The following PARD6G variants were observed in gnomAD, a reference collection of about 807,000 sequenced individuals.
PARD6G encodes the protein partitioning defective 6 homolog gamma.
In PARD6G, 7 loss-of-function variants were observed where a neutral mutation model predicts 10.7. The observed-to-expected ratio is 0.66, with a 90% CI of 0.37 to 1.23. PARD6G has a LOEUF of 1.23. Ranked by LOEUF, PARD6G falls within the 50% of genes most tolerant of loss-of-function variation. The probability of loss-of-function intolerance (pLI) is 0.02; values close to 1 mark genes in which losing one functional copy is unlikely to be tolerated. For synonymous variants in PARD6G, 287 were observed against 269.4 expected (o/e 1.07, Z -0.64); for missense variants, 548 against 571.8 (o/e 0.96, Z 0.42).
chr18:80,186,409 TCA>T (rs987149000), intron 2 of PARD6G, among the ~76,000 whole-genome samples: 6 of 120,756 alleles, frequency 5.0e-5, no homozygotes, highest in South Asian at 2.8e-4. Context: ...GCATGCACCC[TCA>T]CACACGCATA....
chr18:80,166,169 G>C (rs1335740727), intron 2 of PARD6G, among the ~76,000 whole-genome samples: 2 of 151,968 alleles, frequency 1.3e-5, no homozygotes, highest in Non-Finnish European at 2.9e-5. Context: ...CTGTTCCCTT[G>C]TATTTTTCCT....
chr18:80,214,341 C>T (rs2145289397), intron 1 of PARD6G, among the ~76,000 whole-genome samples: 1 of 151,490 alleles, frequency 6.6e-6, no homozygotes, highest in South Asian at 2.1e-4. Context: ...GGGTGAGCGC[C>T]TGTAGTCTCA....
intron 2 of PARD6G, among the ~76,000 whole-genome samples, chr18:80,195,736 G>A (rs1198435504): frequency 2.0e-5 from 3 of 150,982 alleles, no homozygotes; most frequent in Non-Finnish European, 4.4e-5. Context: ...TCAGCCAGGC[G>A]TGGTGGCGCG....
rs2052852950 is a variant in PARD6G at position 80,182,424 on chromosome 18, C to T, written c.295+20286G>A. On this transcript the variant is annotated intron_variant, in intron 2 of 2. Transcript: ENST00000353265. This position sits in a 1 kb window ranked among gnomAD's most constrained non-coding sequence, Gnocchi z 4.5. Reference sequence around the variant, plus strand: ...GTCCACTTTAGATGCTGGAACTACACTTAAAGAGCGACCAGCTTTTACAGA... The same window carrying T: ...GTCCACTTTAGATGCTGGAACTACATTTAAAGAGCGACCAGCTTTTACAGA... Among the ~76,000 whole-genome samples the T allele has an allele frequency of 6.6e-6, 1 of 152,236 alleles. No homozygotes were observed. Among genetic ancestry groups the T allele is most frequent in the South Asian group, 2.1e-4 (1 of 4,832 alleles).
chr18:80,218,291 A>T (rs1235684206), intron 1 of PARD6G, among the ~76,000 whole-genome samples: 2 of 152,094 alleles, frequency 1.3e-5, no homozygotes, highest in African/African-American at 4.8e-5. Flanking sequence ...AATCAAAAGT[A>T]AGTTAGTTAC....
chr18:80,206,882 A>G (rs1285594593), intron 1 of PARD6G, among the ~76,000 whole-genome samples: 3 of 152,216 alleles, frequency 2.0e-5, no homozygotes, highest in African/African-American at 7.2e-5. Flanking sequence ...AGTGATTATC[A>G]ATAAATACTT....
At position 80,161,693 on chromosome 18, in the gene PARD6G, T is replaced by G. The variant is rs1415295399; in HGVS notation, c.296-1087A>C. ...CTCTGTGAGGCTTGGTCCTGTGGAG[T>G]TGGTGGCATCCACAGCAGCCTGCTC... On this transcript the variant is annotated intron_variant, in intron 2 of 2. Coordinates refer to ENST00000353265, the MANE Select transcript of PARD6G (RefSeq NM_032510.4). This position sits in a 1 kb window ranked among gnomAD's most constrained non-coding sequence, Gnocchi z 4.6. The G allele has an allele frequency of 6.6e-6, 1 of 151,910 alleles. No individual in the cohort carries two copies. Among genetic ancestry groups the G allele is most frequent in the East Asian group, 1.9e-4 (1 of 5,172 alleles). 9.4% of individuals were successfully genotyped at this position (151,910 alleles called of 1,614,324 possible).
At position 80,175,386 on chromosome 18, in the gene PARD6G, G is replaced by A. The variant is rs1016210852; in HGVS notation, c.296-14780C>T. 2.0e-5 allele frequency among the ~76,000 whole-genome samples: 3 copies of A among 152,146 alleles called. No homozygotes were observed. The highest frequency in any genetic ancestry group is 2.9e-5 in the Non-Finnish European group (2 of 68,040). On this transcript the variant is annotated intron_variant, in intron 2 of 2. Coordinates refer to ENST00000353265, the MANE Select transcript of PARD6G (RefSeq NM_032510.4). This position sits in a 1 kb window ranked among gnomAD's most constrained non-coding sequence, Gnocchi z 6.7. ...AGTTTCTGGGGAGGGCTCTCTTCCC[G>A]GCTTACAGACAGCTGCCTTCTTCCT... is the stretch of plus-strand genomic sequence containing the variant.
At position 80,158,745 on chromosome 18, in the gene PARD6G, T is replaced by G. The variant is rs977540301; in HGVS notation, c.*1026A>C. On this transcript the variant is annotated 3_prime_UTR_variant, in exon 3 of 3. Transcript: ENST00000353265. ...TGCCTGTCCCAGCTCCTTGGGAGGC[T>G]GAGGCAGGAGAATTGCTTGAACCCA... 16 of 152,368 alleles carry G rather than the reference T, an allele frequency of 1.1e-4. No homozygotes were observed. The East Asian group carries it at 3.1e-3, about 30-fold the overall frequency. The allele number at this position is 152,368 out of a possible 1,614,324, so 9.4% of individuals were successfully genotyped here.
At chr18:80,212,995 G>T (rs1342114266) in intron 1 of PARD6G, among the ~76,000 whole-genome samples, 1 of 152,150 alleles carries the variant, frequency 6.6e-6, no homozygotes, top group African/African-American at 2.4e-5. Context: ...GAAGTTTGGT[G>T]ATGTTTTTGT....
Position 80,201,268 on chromosome 18 carries a change from C to T in PARD6G, c.295+1442G>A, listed in dbSNP as rs762825659. ...GGCAGCCTGTGAACAGATACAGACA[C>T]CCAGGCAATGTGAAGGGGTAGAGAG... On this transcript the variant is annotated intron_variant, in intron 2 of 2. Transcript: ENST00000353265. The surrounding 1 kb of genome is among the most constrained non-coding windows in gnomAD (Gnocchi z 5.9). 3.9e-5 allele frequency among the ~76,000 whole-genome samples: 6 copies of T among 152,146 alleles called. No individual in the cohort carries two copies. Among genetic ancestry groups the T allele is most frequent in the East Asian group, 3.9e-4 (2 of 5,178 alleles).
intron 1 of PARD6G, among the ~76,000 whole-genome samples, chr18:80,206,447 C>T (rs538499227): frequency 1.2e-4 from 18 of 152,316 alleles, no homozygotes; most frequent in African/African-American, 4.3e-4. Flanking sequence ...TTCCAGTATA[C>T]TTACCAGAAA....
intron 1 of PARD6G, among the ~76,000 whole-genome samples, chr18:80,212,682 G>A (rs1243549623): frequency 2.0e-5 from 3 of 151,966 alleles, no homozygotes; most frequent in Admixed American, 6.6e-5. Flanking sequence ...TCAGGAGATC[G>A]AGACTAGCCT....
intron 1 of PARD6G, among the ~76,000 whole-genome samples, chr18:80,233,346 G>A (rs1290261195): frequency 6.6e-6 from 1 of 152,180 alleles, no homozygotes; most frequent in African/African-American, 2.4e-5. Flanking sequence ...ACAGGACCCA[G>A]GAGGCCTGTC....
chr18:80,202,126 AAAC>A (rs150532912), intron 2 of PARD6G: 29,915 of 152,140 alleles, frequency 0.2, 3,630 homozygotes, highest in African/African-American at 0.34. Flanking sequence ...TATTATTTTG[AAAC>A]AACAAGGTTC....
chr18:80,173,234 T>G (rs2052788422), intron 2 of PARD6G, among the ~76,000 whole-genome samples: 1 of 152,118 alleles, frequency 6.6e-6, no homozygotes, highest in African/African-American at 2.4e-5. Flanking sequence ...GCACGTTGCT[T>G]GGGGCTATGG....
At position 80,231,052 on chromosome 18, in the gene PARD6G, T is replaced by A. The variant is rs982311719; in HGVS notation, c.72+16225A>T. 6.6e-6 allele frequency among the ~76,000 whole-genome samples: 1 copy of A among 152,008 alleles called. No homozygotes were observed. Among genetic ancestry groups the A allele is most frequent in the Non-Finnish European group, 1.5e-5 (1 of 67,952 alleles). On this transcript the variant is annotated intron_variant, in intron 1 of 2. Transcript: ENST00000353265. This position sits in a 1 kb window ranked among gnomAD's most constrained non-coding sequence, Gnocchi z 4.2. Reference sequence around the variant, plus strand: ...GGGAGAGAGAATTCCAAATGGAAGGTCAGGGACAAGGGGTGCCCTTTGTGA... The same window carrying A: ...GGGAGAGAGAATTCCAAATGGAAGGACAGGGACAAGGGGTGCCCTTTGTGA...
intron 1 of PARD6G, among the ~76,000 whole-genome samples, chr18:80,203,420 G>GCA (rs1967027328): frequency 6.6e-6 from 1 of 152,136 alleles, no homozygotes; most frequent in South Asian, 2.1e-4. Context: ...AGTGACTCAG[G>GCA]CAGCAGCTCG....
In PARD6G at chr18:80,228,330, C is replaced by G. The variant is rs1599874346; in HGVS notation, c.72+18947G>C. ...GAGGGGAGGCCAGGGGAGGGGAGTT[C>G]CCGGACACACGGTCCTGGAGAACAC... On this transcript the variant is annotated intron_variant, in intron 1 of 2. Transcript: ENST00000353265. This position sits in a 1 kb window ranked among gnomAD's most constrained non-coding sequence, Gnocchi z 4.6. 6.6e-6 allele frequency among the ~76,000 whole-genome samples: 1 copy of G among 152,066 alleles called. No individual in the cohort carries two copies. Among genetic ancestry groups the G allele is most frequent in the African/African-American group, 2.4e-5 (1 of 41,402 alleles).
Sources: allele counts gnomAD v4.1 joint callset (sites outside exome capture counted in the v4.1 genomes callset), GRCh38; gene constraint gnomAD v4.1.1; non-coding constraint Gnocchi (gnomAD v3.1); transcripts MANE v1.5; gene names NCBI Gene and HGNC (gene_info 2026-07-23, HGNC 2026-07-21).